The following ANKRD26 variants were observed in gnomAD, a reference collection of about 807,000 sequenced individuals.
ANKRD26 encodes ankyrin repeat domain 26, also known as ankyrin repeat domain-containing protein 26.
A neutral mutation model predicts 208.7 loss-of-function variants in ANKRD26; 141 were observed. That is an observed-to-expected ratio of 0.68 (90% CI 0.59 to 0.78). The LOEUF is 0.78. Among genes scored for constraint, ANKRD26 ranks in the 30% least tolerant of loss-of-function variants. The pLI, the probability that ANKRD26 is intolerant of heterozygous loss-of-function variation, is 0.00. For synonymous variants in ANKRD26, 636 were observed against 660.4 expected (o/e 0.96, Z 0.57); for missense variants, 1,889 against 1,938.7 (o/e 0.97, Z 0.48).
Position 27,017,551 on chromosome 10 carries a change from G to T in ANKRD26, c.4457C>A (p.Ala1486Glu), listed in dbSNP as rs1217447595. 1.2e-6 allele frequency: 2 copies of T among 1,613,484 alleles called. No homozygotes were observed. Among genetic ancestry groups the T allele is most frequent in the African/African-American group, 2.7e-5 (2 of 74,886 alleles). Residue 1486 changes from alanine to glutamate, a missense_variant, in exon 30 of 34, where the codon GCA becomes GAA. By Grantham distance (107) the Ala-to-Glu change is moderately radical. Transcript: ENST00000376087. The stretch of plus-strand genomic sequence containing the variant: ...TAATTTTTCTGCTATTTCCTGTCTT[G>T]CTCTTTCTTCAATCTCCTGTTTATA... ...KQYKQEIEER[A>E]RQEIAEKLKE...
At chr10:27,047,168 T>C (rs1284616064) in intron 17 of ANKRD26, among the ~76,000 whole-genome samples, 1 of 152,224 alleles carries the variant, frequency 6.6e-6, no homozygotes, top group African/African-American at 2.4e-5. Flanking sequence ...TGAAGTTTAT[T>C]TTAAATGAAG....
At chr10:26,958,741 C>T in the ANKRD26 span, among the ~76,000 whole-genome samples, 1 of 149,890 alleles carries the variant, frequency 6.7e-6, no homozygotes, top group Non-Finnish European at 1.5e-5. Context: ...TTCCATGACT[C>T]TCTATTGTAA....
At chr10:27,046,113 A>T (rs1300512284) in intron 18 of ANKRD26, 1 of 465,072 alleles carries the variant, frequency 2.2e-6, no homozygotes, top group East Asian at 3.7e-5. Flanking sequence ...CCATTTACCT[A>T]TTGCCTCTCA....
chr10:27,045,149 C>T (rs1363490751), intron 18 of ANKRD26, among the ~76,000 whole-genome samples: 1 of 152,154 alleles, frequency 6.6e-6, no homozygotes, highest in African/African-American at 2.4e-5. Flanking sequence ...TGAAGCTGGG[C>T]GTGCTGGCTC....
intron 5 of ANKRD26, among the ~76,000 whole-genome samples, chr10:26,979,005 G>A (rs1242418189): frequency 6.6e-6 from 1 of 152,076 alleles, no homozygotes; most frequent in Non-Finnish European, 1.5e-5. Flanking sequence ...GGCGGATCAC[G>A]AGGTCAGTAG....
intron 9 of ANKRD26, 132 bp downstream of exon 9, chr10:27,077,206 C>G: frequency 1.3e-6 from 1 of 790,108 alleles, no homozygotes; most frequent in Non-Finnish European, 2.1e-6. Context: ...ATATGCAAGT[C>G]TTAAATGTGA....
At chr10:26,962,172 G>A in the ANKRD26 span, among the ~76,000 whole-genome samples, 1 of 152,164 alleles carries the variant, frequency 6.6e-6, no homozygotes, top group Admixed American at 6.5e-5. Context: ...GCTCATACCT[G>A]TAATCCCAGC....
Position 27,004,925 on chromosome 10 carries a change from A to T in ANKRD26, c.*665T>A. ...CACTGTAGTTATGTAGAATGTCCTG[A>T]CTTGTAGGAATGCCCACTAAAGTAA... On this transcript the variant is annotated 3_prime_UTR_variant, in exon 34 of 34. Transcript: ENST00000376087. 1 of 522,296 alleles carries T rather than the reference A, an allele frequency of 1.9e-6. No individual in the cohort carries two copies. Among genetic ancestry groups the T allele is most frequent in the Non-Finnish European group, 2.5e-6 (1 of 407,212 alleles). The allele number at this position is 522,296 out of a possible 1,614,324, so 32.4% of individuals were successfully genotyped here. A position where few individuals can be genotyped will look rare whatever the true frequency, so the allele number is the denominator to read the frequency against.
chr10:26,982,172 T>C (rs545420430), intron 4 of ANKRD26, among the ~76,000 whole-genome samples: 2 of 152,300 alleles, frequency 1.3e-5, no homozygotes, highest in Admixed American at 1.3e-4. Context: ...CCTGTGAATA[T>C]AAGTGATCAA....
At position 27,004,181 on chromosome 10, in the gene ANKRD26, G is replaced by A. The variant is rs1031570446; in HGVS notation, c.*1409C>T. 2.0e-5 allele frequency: 3 copies of A among 152,180 alleles called. No individual in the cohort carries two copies. The highest frequency in any genetic ancestry group is 7.2e-5 in the African/African-American group (3 of 41,434). 9.4% of individuals were successfully genotyped at this position (152,180 alleles called of 1,614,324 possible). On this transcript the variant is annotated 3_prime_UTR_variant, in exon 34 of 34. Coordinates refer to ENST00000376087, the MANE Select transcript of ANKRD26 (RefSeq NM_014915.3). ...ATATTCATCTAGAAAGACAGGAGGA[G>A]AAGGGGGAGAAAGGATAAAGTAAAT...
intron 9 of ANKRD26, 92 bp from the exon 10 acceptor site, chr10:27,067,378 C>A: frequency 7.0e-7 from 1 of 1,433,134 alleles, no homozygotes; most frequent in South Asian, 1.2e-5. Context: ...TCCGTACTTG[C>A]ACTACCATAA....
intron 20 of ANKRD26, among the ~76,000 whole-genome samples, chr10:27,042,987 T>C (rs2054311602): frequency 3.5e-5 from 5 of 143,604 alleles, no homozygotes; most frequent in Admixed American, 3.4e-4. Flanking sequence ...ATCTATAAAA[T>C]TTCTAGAAAA....
At chr10:26,951,013 C>CTTTTCTTTTTTTTTTTTTT in the ANKRD26 span, among the ~76,000 whole-genome samples, 24 of 100,920 alleles carry the variant, frequency 2.4e-4, 2 homozygotes, top group East Asian at 9.5e-4. Context: ...CTTTTCTTTT[C>CTTTTCTTTTTTTTTTTTTT]TTTTTCTTTT....
chr10:26,969,811 G>GTTT (rs34596945), downstream of ANKRD26, among the ~76,000 whole-genome samples: 1 of 136,354 alleles, frequency 7.3e-6, no homozygotes, highest in Non-Finnish European at 1.6e-5. Context: ...TTTACTTTCT[G>GTTT]TTTTTTTTTT....
At chr10:27,036,247 A>T (rs2054039291) in intron 23 of ANKRD26, among the ~76,000 whole-genome samples, 1 of 152,020 alleles carries the variant, frequency 6.6e-6, no homozygotes, top group African/African-American at 2.4e-5. Context: ...GTCAGTTATC[A>T]ATTACGTTTA....
intron 10 of ANKRD26, 138 bp from the exon 11 acceptor site, chr10:27,066,686 T>G (rs1309303804): frequency 1.7e-6 from 1 of 591,986 alleles, no homozygotes; most frequent in African/African-American, 1.9e-5. Flanking sequence ...AAAAAAGAAT[T>G]TCACAAGGTT....
chr10:26,988,531 C>T (rs906171471), downstream of ANKRD26, among the ~76,000 whole-genome samples: 1 of 152,108 alleles, frequency 6.6e-6, no homozygotes, highest in Non-Finnish European at 1.5e-5. Context: ...GGACTTTCCA[C>T]GCACCTTTGA....
intron 16 of ANKRD26, among the ~76,000 whole-genome samples, chr10:27,050,722 G>A (rs973846533): frequency 2.0e-5 from 3 of 151,948 alleles, no homozygotes; most frequent in African/African-American, 7.2e-5. Context: ...TAAGAAAATA[G>A]GGAAAAAAAC....
rs371328312 is a variant in ANKRD26 at position 27,093,851 on chromosome 10, T to C, written c.243-52A>G. ...AACTGTAGTGCACTGTCTCAAAACA[T>C]ACAATGGTTCATAAAATTATAAACA... On this transcript the variant is annotated intron_variant, in intron 1 of 33. Coordinates refer to ENST00000376087, the MANE Select transcript of ANKRD26 (RefSeq NM_014915.3). The C allele has an allele frequency of 1.1e-5, 14 of 1,320,804 alleles. No homozygotes were observed. The African/African-American group carries it at 1.5e-4, about 14-fold the overall frequency. The allele number at this position is 1,320,804 out of a possible 1,614,324, so 81.8% of individuals were successfully genotyped here. A position where few individuals can be genotyped will look rare whatever the true frequency, so the allele number is the denominator to read the frequency against.
Sources: gnomAD v4.1 joint callset for allele counts (sites outside exome capture counted in the v4.1 genomes callset) on GRCh38, gnomAD v4.1.1 for gene constraint, MANE v1.5 for transcripts, NCBI Gene and HGNC (gene_info 2026-07-23, HGNC 2026-07-21) for gene names.